Variants in ZAN observed in about 807,000 individuals in gnomAD.
ZAN encodes the protein zonadhesin, also known as zonadhesin (gene/pseudogene).
A neutral mutation model predicts 286.2 loss-of-function variants in ZAN; 260 were observed. The ratio of observed to expected loss-of-function variants is 0.91; its 90% CI spans 0.82 to 1.01. ZAN has a LOEUF of 1.01. Among genes scored for constraint, ZAN ranks in the 50% least tolerant of loss-of-function variants. The probability of loss-of-function intolerance (pLI) is 0.00; values close to 1 mark genes in which losing one functional copy is unlikely to be tolerated. For synonymous variants in ZAN, 1,368 were observed against 1,417.5 expected (o/e 0.97, Z 0.79); for missense variants, 3,410 against 3,639.2 (o/e 0.94, Z 1.62).
rs914311271 is a variant in ZAN, at chr7:100,786,237, C to G, written c.6979+96C>G. 6 of 1,535,988 alleles carry G rather than the reference C, an allele frequency of 3.9e-6. No individual in the cohort carries two copies. The Admixed American group carries it at 1.1e-4, about 28-fold the overall frequency. ...GGGTGGGAAGGGGCTTAGCCTGAACCCCAGCACAGTCAGGGGTTGGGGCGG... is the reference window on the plus strand; with the variant it reads ...GGGTGGGAAGGGGCTTAGCCTGAACGCCAGCACAGTCAGGGGTTGGGGCGG... On this transcript the variant is annotated intron_variant, in intron 37 of 47. Transcript: ENST00000613979.
At position 100,792,142 on chromosome 7, in the gene ZAN, T is replaced by C. The variant is rs753571762; in HGVS notation, c.7706T>C (p.Phe2569Ser). The C allele has an allele frequency of 6.2e-7, 1 of 1,606,590 alleles. No homozygotes were observed. Among genetic ancestry groups the C allele is most frequent in the Non-Finnish European group, 8.5e-7 (1 of 1,176,686 alleles). Residue 2569 changes from phenylalanine (F) to serine (S), a missense_variant, in exon 41 of 48, where the codon TTC becomes TCC. Transcript: ENST00000613979. Reference protein sequence around the residue: ...ACHQTVAPEPFQEHCVLDLCS... With the variant: ...ACHQTVAPEPSQEHCVLDLCS... ...CACCAGACGGTGGCCCCAGAGCCCT[T>C]CCAAGAGTGAGTCATGGGCCCAGGA...
intron 17 of ZAN, 85 bp from the exon 18 acceptor site, chr7:100,759,629 ATCTCTCC>A: frequency 7.5e-7 from 1 of 1,334,232 alleles, no homozygotes; most frequent in Non-Finnish European, 9.7e-7. Context: ...GGTGGCGCTC[ATCTCTCC>A]CTGCGGCGCC....
intron 18 of ZAN, among the ~76,000 whole-genome samples, chr7:100,760,187 C>T (rs973817912): frequency 6.6e-6 from 1 of 152,066 alleles, no homozygotes; most frequent in African/African-American, 2.4e-5. Context: ...GCACTCCAGC[C>T]TAGGCAACAT....
chr7:100,755,216 T>C lies in ZAN; in HGVS notation c.3125-10T>C. 6.2e-7 allele frequency: 1 copy of C among 1,603,386 alleles called. No individual in the cohort carries two copies. The highest frequency in any genetic ancestry group is 1.1e-5 in the South Asian group (1 of 90,414). On this transcript the variant is annotated splice_polypyrimidine_tract_variant and intron_variant, in intron 14 of 47. Coordinates refer to ENST00000613979, the MANE Select transcript of ZAN (RefSeq NM_003386.3). The stretch of plus-strand genomic sequence containing the variant: ...GAATGAAAGCATGACAGAGGCTGTT[T>C]TCCCCTTAGAGCGCTGCCCTCCAAA...
chr7:100,736,849 T>C lies in ZAN; in HGVS notation c.294T>C (p.Arg98=), dbSNP rs1009351351. The part of the protein sequence containing the change: ...YLHMESNSFH[R]GGVARLLSPD... ...ATATGGAATCGAACAGCTTCCACCG[T>C]GGGGGAGTGGCCCGCCTGCTCAGCC... The change falls in exon 5 of 48, where the codon CGT becomes CGC. Residue 98 remains arginine, a synonymous_variant. Transcript: ENST00000613979. The C allele has an allele frequency of 6.7e-7, 1 of 1,482,438 alleles. No individual in the cohort carries two copies. Among genetic ancestry groups the C allele is most frequent in the Non-Finnish European group, 9.2e-7 (1 of 1,087,080 alleles). The allele number at this position is 1,482,438 out of a possible 1,614,324, so 91.8% of individuals were successfully genotyped here. A position where few individuals can be genotyped will look rare whatever the true frequency, so the allele number is the denominator to read the frequency against.
rs769979411 is a variant in ZAN at position 100,795,206 on chromosome 7, T to A, written c.8136T>A (p.Cys2712Ter). ...TCTCTGTCCTTGCAGAAAGCCCGTG[T>A]CTGCAGAACCCCTGTCAGAATGACG... ...HTQGCFPESP[C>*]LQNPCQNDGQ... The change falls in exon 45 of 48, where the codon TGT becomes TGA. Residue 2712 changes from cysteine (C) to a stop codon, truncating the protein, a stop_gained. Transcript: ENST00000613979. LOFTEE classifies it high-confidence loss of function. 3 of 1,609,296 alleles carry A rather than the reference T, an allele frequency of 1.9e-6. No homozygotes were observed. In the East Asian group the frequency reaches 6.8e-5, roughly 36 times the overall value.
intron 7 of ZAN, among the ~76,000 whole-genome samples, chr7:100,739,798 C>T (rs1056073096): frequency 7.2e-6 from 1 of 139,780 alleles, no homozygotes. Flanking sequence ...ACTGGGACTA[C>T]AGGTGTACAC....
At position 100,775,512 on chromosome 7, in the gene ZAN, T is replaced by C; in HGVS notation, c.5964T>C (p.Leu1988=). Residue 1988 remains leucine (L), a synonymous_variant, in exon 32 of 48, where the codon CTT becomes CTC. Transcript: ENST00000613979. ...KEEGGTEAFR[L]HEVYIDIYDA... ...AAGGTGGAACTGAGGCTTTCCGCCT[T>C]CATGAGGTCTACATTGACATCTACG... 6.2e-7 allele frequency: 1 copy of C among 1,613,974 alleles called. No individual in the cohort carries two copies. The highest frequency in any genetic ancestry group is 8.5e-7 in the Non-Finnish European group (1 of 1,179,896).
At chr7:100,766,428 T>G in intron 23 of ZAN, 97 bp from the exon 24 acceptor site, 1 of 1,411,456 alleles carries the variant, frequency 7.1e-7, no homozygotes, top group East Asian at 2.5e-5. Context: ...AAGCCAGTGA[T>G]CTGAACAGCT....
At chr7:100,797,247 A>C in intron 45 of ZAN, 119 bp from the exon 46 acceptor site, 45 of 883,382 alleles carry the variant, frequency 5.1e-5, no homozygotes, top group Non-Finnish European at 7.4e-5. Flanking sequence ...AGACACACCT[A>C]GAGATTTAGA....
chr7:100,779,719 GC>G lies in ZAN; in HGVS notation c.6596del (p.Pro2199HisfsTer58). On this transcript the variant is annotated frameshift_variant, in exon 35 of 48. Transcript: ENST00000613979. LOFTEE classifies it high-confidence loss of function. The stretch of plus-strand genomic sequence containing the variant: ...CCACCTGCCAGAGCCAGGGGCTCAA[GC>G]CCCCACTCTGGAGAAACAGCAGCTT... ...GATCQSQGLK[P>X]PLWRNSSFCP... The G allele has an allele frequency of 6.4e-7, 1 of 1,556,222 alleles. No individual in the cohort carries two copies. The highest frequency in any genetic ancestry group is 8.7e-7 in the Non-Finnish European group (1 of 1,150,296).
chr7:100,775,905 G>A, intron 33 of ZAN, 72 bp downstream of exon 33: 1 of 1,570,136 alleles, frequency 6.4e-7, no homozygotes, highest in East Asian at 2.2e-5. Flanking sequence ...AGGGATGGGG[G>A]GCAGTGTTCG....
chr7:100,745,008 C>T (rs944699284), intron 7 of ZAN, among the ~76,000 whole-genome samples: 6 of 151,472 alleles, frequency 4.0e-5, no homozygotes, highest in South Asian at 4.2e-4. Context: ...CTCAGCCTCC[C>T]GAGTAGCTGG....
intron 38 of ZAN, 88 bp from the exon 39 acceptor site, chr7:100,789,130 A>G: frequency 6.6e-7 from 1 of 1,523,236 alleles, no homozygotes; most frequent in Non-Finnish European, 8.8e-7. Context: ...ACATATGGAG[A>G]TGACTGGGAA....
intron 42 of ZAN, among the ~76,000 whole-genome samples, chr7:100,793,056 A>G (rs192679153): frequency 2.2e-3 from 339 of 151,724 alleles, no homozygotes; most frequent in Non-Finnish European, 3.8e-3. Flanking sequence ...AAGACTAGAC[A>G]GGCTGGACAT....
intron 41 of ZAN, 60 bp from the exon 42 acceptor site, chr7:100,792,345 G>C: frequency 6.5e-7 from 1 of 1,540,994 alleles, no homozygotes; most frequent in Non-Finnish European, 8.8e-7. Flanking sequence ...TCTTCTGCAG[G>C]GGTGGGTCTC....
rs147186217 is a variant in ZAN at position 100,748,080 on chromosome 7, G to A, written c.1024-57G>A. On this transcript the variant is annotated intron_variant, in intron 9 of 47. Coordinates refer to ENST00000613979, the MANE Select transcript of ZAN (RefSeq NM_003386.3). Reference sequence around the variant, plus strand: ...CCTGGAATGGAGTCGAGTTAGATCAGGGGCTTGGGGGTGTGGGCTGTGTGC... The same window carrying A: ...CCTGGAATGGAGTCGAGTTAGATCAAGGGCTTGGGGGTGTGGGCTGTGTGC... 1.9e-4 allele frequency: 272 copies of A among 1,468,796 alleles called. 2 individuals carry two copies. The East Asian group carries it at 6.1e-3, about 33-fold the overall frequency. The allele number at this position is 1,468,796 out of a possible 1,614,324, so 91.0% of individuals were successfully genotyped here. A position where few individuals can be genotyped will look rare whatever the true frequency, so the allele number is the denominator to read the frequency against.
chr7:100,738,873 T>TTCTTCTTCTTCTTCTCCC (rs1562911230), intron 7 of ZAN, among the ~76,000 whole-genome samples: 2 of 24,150 alleles, frequency 8.3e-5, no homozygotes, highest in Non-Finnish European at 1.7e-4. Context: ...CCTCTTCTTC[T>TTCTTCTTCTTCTTCTCCC]TCTCCCTCTC....
chr7:100,766,289 G>A (rs370660210), intron 23 of ZAN, among the ~76,000 whole-genome samples: 34 of 152,044 alleles, frequency 2.2e-4, no homozygotes, highest in African/African-American at 7.2e-4. Context: ...ACCTGGCCTC[G>A]GATAGATCAA....
Sources: gnomAD v4.1 joint callset for allele counts (sites outside exome capture counted in the v4.1 genomes callset) on GRCh38, gnomAD v4.1.1 for gene constraint, MANE v1.5 for transcripts, NCBI Gene and HGNC (gene_info 2026-07-23, HGNC 2026-07-21) for gene names.